CD4: variants seen among roughly 807,000 people sequenced by gnomAD.
The protein encoded by CD4 is CD4 molecule.
CD4 carries 25 observed loss-of-function variants against 50.5 expected under a neutral mutation model. That is an observed-to-expected ratio of 0.49 (90% CI 0.36 to 0.69). The LOEUF is 0.69. Among genes scored for constraint, CD4 ranks in the 30% least tolerant of loss-of-function variants. The pLI is 0.00. For missense variants in CD4, 456 were observed against 548.5 expected, an observed-to-expected ratio of 0.83 and a Z score of 1.68; for synonymous variants, 207 against 221.9, an observed-to-expected ratio of 0.93 and a Z score of 0.60.
At chr12:6,795,270 A>G (rs1015585198) in intron 1 of CD4, among the ~76,000 whole-genome samples, 1 of 151,444 alleles carries the variant, frequency 6.6e-6, no homozygotes, top group African/African-American at 2.4e-5. Flanking sequence ...CTGTCTATCT[A>G]ATCTATTTTA....
rs782255390 is a variant in CD4 at position 6,818,429 on chromosome 12, A to G, written c.1165A>G (p.Thr389Ala). 12 of 1,612,480 alleles carry G rather than the reference A, an allele frequency of 7.4e-6. No homozygotes were observed. The highest frequency in any genetic ancestry group is 7.6e-6 in the Non-Finnish European group (9 of 1,179,994). ...ATTTCTCTCCCTTGCAGTTCTGCCCACATGGTCCACCCCGGTGCAGCCAAT... is the reference window on the plus strand; with the variant it reads ...ATTTCTCTCCCTTGCAGTTCTGCCCGCATGGTCCACCCCGGTGCAGCCAAT... ...LLESNIKVLP[T>A]WSTPVQPMAL... Residue 389 changes from threonine (T) to alanine (A), a missense_variant, in exon 8 of 10, where the codon ACA becomes GCA. Coordinates refer to ENST00000011653, the MANE Select transcript of CD4 (RefSeq NM_000616.5). This position sits in a 1 kb window ranked among gnomAD's most constrained non-coding sequence, Gnocchi z 5.0.
At position 6,818,777 on chromosome 12, in the gene CD4, C is replaced by A; in HGVS notation, c.1279-70C>A. Reference sequence around the variant, plus strand: ...TCTCCTGTCGCAGCTTCCCCCACTCCCCCCACCAAGGGGCACCTCCCTTCT... The same window carrying A: ...TCTCCTGTCGCAGCTTCCCCCACTCACCCCACCAAGGGGCACCTCCCTTCT... On this transcript the variant is annotated intron_variant, in intron 8 of 9. Transcript: ENST00000011653. This position sits in a 1 kb window ranked among gnomAD's most constrained non-coding sequence, Gnocchi z 5.0. The A allele has an allele frequency of 7.0e-7, 1 of 1,426,140 alleles. No homozygotes were observed. Among genetic ancestry groups the A allele is most frequent in the Non-Finnish European group, 9.9e-7 (1 of 1,009,086 alleles). 88.3% of individuals were successfully genotyped at this position (1,426,140 alleles called of 1,614,324 possible).
chr12:6,800,228 G>A (rs782569674), intron 2 of CD4, 41 bp downstream of exon 2: 1 of 1,612,986 alleles, frequency 6.2e-7, no homozygotes, highest in South Asian at 1.1e-5. Flanking sequence ...GATGACGTGG[G>A]AGGAAAGGCA....
intron 1 of CD4, among the ~76,000 whole-genome samples, chr12:6,794,763 G>A (rs1176240929): frequency 5.5e-5 from 7 of 126,198 alleles, no homozygotes; most frequent in Non-Finnish European, 1.2e-4. Context: ...TAATCTATCT[G>A]TCTGTATGTC....
At chr12:6,815,771 T>G in intron 5 of CD4, 5 of 1,419,542 alleles carry the variant, frequency 3.5e-6, no homozygotes, top group Non-Finnish European at 3.7e-6. Flanking sequence ...CCAAATGGCT[T>G]CTGTGGTCCA....
chr12:6,800,268 C>T (rs201624951), intron 2 of CD4, 39 bp from the exon 3 acceptor site: 352 of 1,612,156 alleles, frequency 2.2e-4, no homozygotes, highest in Non-Finnish European at 2.7e-4. Context: ...AGGGGGACAG[C>T]GGCGACATTG....
At position 6,818,355 on chromosome 12, in the gene CD4, G is replaced by T; in HGVS notation, c.1157-66G>T. On this transcript the variant is annotated intron_variant, in intron 7 of 9. Coordinates refer to ENST00000011653, the MANE Select transcript of CD4 (RefSeq NM_000616.5). The surrounding 1 kb of genome is among the most constrained non-coding windows in gnomAD (Gnocchi z 5.0). ...AGAGACTGGCCAGGAGGGATTGCAG[G>T]GCAGTCCTCAGTCCCCTGGCCCGTG... 1.3e-6 allele frequency: 2 copies of T among 1,589,716 alleles called. No individual in the cohort carries two copies. Among genetic ancestry groups the T allele is most frequent in the South Asian group, 1.1e-5 (1 of 90,212 alleles).
intron 3 of CD4, among the ~76,000 whole-genome samples, chr12:6,802,975 A>G (rs1214560405): frequency 6.7e-6 from 1 of 149,980 alleles, no homozygotes; most frequent in Admixed American, 6.6e-5. Context: ...CTTCGTGATC[A>G]GCCCGGCTTG....
chr12:6,794,775 GTTTTTTTTTTGT>G (rs1407041626), intron 1 of CD4, among the ~76,000 whole-genome samples: 10 of 112,554 alleles, frequency 8.9e-5, no homozygotes, highest in African/African-American at 2.9e-4. Context: ...CTGTATGTCT[GTTTTTTTTTTGT>G]TTTTTTTTTT....
At chr12:6,814,515 A>G (rs1943034173) in intron 4 of CD4, 1 of 641,778 alleles carries the variant, frequency 1.6e-6, no homozygotes, top group Non-Finnish European at 2.7e-6. Context: ...AAAAGGAAAG[A>G]AAAGGGAAGG....
intron 1 of CD4, among the ~76,000 whole-genome samples, chr12:6,797,251 C>G (rs968132066): frequency 3.9e-5 from 6 of 152,144 alleles, no homozygotes; most frequent in Non-Finnish European, 7.3e-5. Flanking sequence ...CCCCACCACC[C>G]CCAGTCTCGC....
At chr12:6,814,668 C>T (rs782120486) in intron 4 of CD4, 91 bp from the exon 5 acceptor site, 205 of 978,498 alleles carry the variant, frequency 2.1e-4, no homozygotes, top group Middle Eastern at 1.2e-3. Context: ...GTTGGGACGG[C>T]GATAATGGAG....
chr12:6,811,800 C>T (rs1027915859), intron 3 of CD4, among the ~76,000 whole-genome samples: 10 of 151,384 alleles, frequency 6.6e-5, no homozygotes, highest in South Asian at 2.1e-4. Context: ...CGTGAGCCAC[C>T]GCACCCGGCC....
chr12:6,810,000 C>T (rs1555116770), intron 3 of CD4, among the ~76,000 whole-genome samples: 1 of 150,986 alleles, frequency 6.6e-6, no homozygotes, highest in African/African-American at 2.4e-5. Flanking sequence ...AGGGATTCTC[C>T]TGCCTCAGCC....
chr12:6,805,952 T>G (rs1416621522), intron 3 of CD4, among the ~76,000 whole-genome samples: 3 of 151,620 alleles, frequency 2.0e-5, no homozygotes, highest in African/African-American at 7.3e-5. Context: ...AGACCCTGTC[T>G]CAAAAACAAA....
chr12:6,796,239 A>T (rs1460400623), intron 1 of CD4, among the ~76,000 whole-genome samples: 1 of 152,184 alleles, frequency 6.6e-6, no homozygotes, highest in East Asian at 1.9e-4. Context: ...GAGTTGAGAA[A>T]CCAAATCACT....
intron 3 of CD4, among the ~76,000 whole-genome samples, chr12:6,811,841 A>C (rs1389762357): frequency 1.3e-5 from 2 of 150,372 alleles, no homozygotes; most frequent in Non-Finnish European, 3.0e-5. Context: ...ATGAGGCCTC[A>C]CTCTGTTGCC....
chr12:6,814,218 G>T lies in CD4; in HGVS notation c.291G>T (p.Lys97Asn). 1 of 1,614,124 alleles carries T rather than the reference G, an allele frequency of 6.2e-7. No individual in the cohort carries two copies. The highest frequency in any genetic ancestry group is 1.3e-5 in the African/African-American group (1 of 75,026). The change falls in exon 4 of 10, where the codon AAG (lysine) becomes AAT (asparagine). Residue 97 changes from lysine to asparagine, a missense_variant. Lys to Asn is a moderately conservative substitution (Grantham distance 94). Transcript: ENST00000011653. The stretch of plus-strand genomic sequence containing the variant: ...AAGGAAACTTTCCCCTGATCATCAA[G>T]AATCTTAAGATAGAAGACTCAGATA... ...WDQGNFPLII[K>N]NLKIEDSDTY...
At position 6,798,418 on chromosome 12, in the gene CD4, C is replaced by T. The variant is rs574060001; in HGVS notation, c.-67-1654C>T. ...CGATCTCCTGACCTCATGATCCGCC[C>T]GCCTTGGCCTCCCAAAATGCTGGGA... On this transcript the variant is annotated intron_variant, in intron 1 of 9. Coordinates refer to ENST00000011653, the MANE Select transcript of CD4 (RefSeq NM_000616.5). Among the ~76,000 whole-genome samples the T allele has an allele frequency of 8.1e-5, 7 of 86,748 alleles. No individual in the cohort carries two copies. In the South Asian group the frequency reaches 1.7e-3, roughly 21 times the overall value. The allele number at this position is 86,748 out of a possible 152,430, so 56.9% of individuals were successfully genotyped here.
Sources: gnomAD v4.1 joint callset for allele counts (sites outside exome capture counted in the v4.1 genomes callset) on GRCh38, gnomAD v4.1.1 for gene constraint, Gnocchi (gnomAD v3.1) non-coding constraint, MANE v1.5 for transcripts, NCBI Gene and HGNC (gene_info 2026-07-23, HGNC 2026-07-21) for gene names.